The following UGT3A1 variants were observed in gnomAD, a reference collection of about 807,000 sequenced individuals.
UGT3A1 encodes UDP-glycosyltransferase 3A1.
UGT3A1 carries 40 observed loss-of-function variants against 37.6 expected under a neutral mutation model. The observed-to-expected ratio is 1.06, with a 90% CI of 0.83 to 1.38. UGT3A1 has a LOEUF of 1.38. UGT3A1 is among the 40% of genes most tolerant of loss of function. The pLI, the probability that UGT3A1 is intolerant of heterozygous loss-of-function variation, is 0.00. For missense variants in UGT3A1, 642 were observed against 634.2 expected (o/e 1.01, Z -0.13); for synonymous variants, 256 against 232.3 (o/e 1.10, Z -0.93).
chr5:35,973,810 G>A (rs1437331784), intron 2 of UGT3A1, among the ~76,000 whole-genome samples: 1 of 152,110 alleles, frequency 6.6e-6, no homozygotes, highest in African/African-American at 2.4e-5. Context: ...TCAAGTGGTA[G>A]CACTTAAGCA....
chr5:35,965,977 A>G, intron 3 of UGT3A1, 60 bp from the exon 4 acceptor site: 2 of 1,293,398 alleles, frequency 1.5e-6, no homozygotes, highest in South Asian at 3.4e-5. Flanking sequence ...AGTATTTGGG[A>G]GAATGTTAGA....
chr5:35,982,493 G>A (rs1255238512), intron 2 of UGT3A1, among the ~76,000 whole-genome samples: 2 of 152,186 alleles, frequency 1.3e-5, no homozygotes, highest in African/African-American at 2.4e-5. Flanking sequence ...GACTTGCATG[G>A]GGCCTATAGC....
At chr5:35,972,024 AAGT>A (rs1411687620) in intron 2 of UGT3A1, among the ~76,000 whole-genome samples, 4 of 152,040 alleles carry the variant, frequency 2.6e-5, no homozygotes, top group Middle Eastern at 3.2e-3. Flanking sequence ...TCAGATCCCA[AAGT>A]AGTGATGTGA....
intron 2 of UGT3A1, among the ~76,000 whole-genome samples, chr5:35,972,461 A>T (rs535888092): frequency 6.6e-6 from 1 of 151,120 alleles, no homozygotes; most frequent in East Asian, 2.0e-4. Flanking sequence ...ACTTGCTAAC[A>T]TCTCAAATTA....
chr5:35,975,662 A>ATTT (rs35842142), intron 2 of UGT3A1, among the ~76,000 whole-genome samples: 4 of 148,482 alleles, frequency 2.7e-5, no homozygotes, highest in African/African-American at 9.9e-5. Context: ...ACAGTGAAGC[A>ATTT]TTTTTTTTTT....
chr5:35,975,482 C>T (rs1432349621), intron 2 of UGT3A1, among the ~76,000 whole-genome samples: 2 of 152,160 alleles, frequency 1.3e-5, no homozygotes, highest in Non-Finnish European at 2.9e-5. Flanking sequence ...ACCAAAGCTA[C>T]CATCCATGCA....
chr5:35,990,258 G>A (rs1031683042), intron 1 of UGT3A1, among the ~76,000 whole-genome samples: 17 of 151,964 alleles, frequency 1.1e-4, no homozygotes, highest in African/African-American at 4.1e-4. Context: ...TCCCTCAGTT[G>A]CCCTCTCAGA....
intron 2 of UGT3A1, among the ~76,000 whole-genome samples, chr5:35,968,840 A>G (rs906075317): frequency 6.6e-6 from 1 of 152,238 alleles, no homozygotes; most frequent in East Asian, 1.9e-4. Context: ...AAGCCAGGCC[A>G]AAGTGGGAGA....
chr5:35,965,469 C>G lies in UGT3A1; in HGVS notation c.760G>C (p.Ala254Pro). 6.2e-7 allele frequency: 1 copy of G among 1,614,168 alleles called. No individual in the cohort carries two copies. The highest frequency in any genetic ancestry group is 8.5e-7 in the Non-Finnish European group (1 of 1,180,018). Residue 254 changes from alanine (A) to proline (P), a missense_variant, in exon 4 of 7, where the codon GCC becomes CCC. Ala to Pro is a conservative substitution (Grantham distance 27). Coordinates refer to ENST00000274278, the MANE Select transcript of UGT3A1 (RefSeq NM_152404.4). ...AELWFVNSDF[A>P]FDFARPLLPN... ...AGCAGGGGCCGGGCAAAATCAAAGG[C>G]AAAATCAGAGTTAACAAACCACAAC... is the stretch of plus-strand genomic sequence containing the variant.
At position 35,957,402 on chromosome 5, in the gene UGT3A1, A is replaced by C. The variant is rs1267459026; in HGVS notation, c.861T>G (p.Ile287Met). ...CAAACCCTGCATCCCCAAAGTTGGC[A>C]ATGAAGTTGTCCAAGTCCTAGAGAG... Reference protein sequence around the residue: ...KPVPQDLDNFIANFGDAGFVL... With the variant: ...KPVPQDLDNFMANFGDAGFVL... Residue 287 changes from isoleucine to methionine, a missense_variant, in exon 5 of 7, where the codon ATT becomes ATG. Physicochemically the swap from Ile to Met is conservative, Grantham distance 10. Coordinates refer to ENST00000274278, the MANE Select transcript of UGT3A1 (RefSeq NM_152404.4). The C allele has an allele frequency of 6.2e-6, 10 of 1,613,998 alleles. No individual in the cohort carries two copies. Among genetic ancestry groups the C allele is most frequent in the Middle Eastern group, 1.6e-4 (1 of 6,084 alleles).
intron 2 of UGT3A1, among the ~76,000 whole-genome samples, chr5:35,980,038 T>C (rs890974865): frequency 6.6e-6 from 1 of 152,182 alleles, no homozygotes; most frequent in African/African-American, 2.4e-5. Context: ...CCACAACATA[T>C]GGGAATTCAA....
At chr5:35,966,621 C>T (rs1739818070) in intron 3 of UGT3A1, among the ~76,000 whole-genome samples, 1 of 152,192 alleles carries the variant, frequency 6.6e-6, no homozygotes, top group Non-Finnish European at 1.5e-5. Flanking sequence ...AAGCTACTGC[C>T]CTTCAATGTC....
At chr5:35,997,054 G>C (rs558930156) in intron 2 of UGT3A1, among the ~76,000 whole-genome samples, 93 of 152,206 alleles carry the variant, frequency 6.1e-4, no homozygotes, top group South Asian at 1.2e-3. Context: ...TACCACACAA[G>C]ATTATCTGAA....
In UGT3A1 at chr5:35,991,344, C is replaced by T. The variant is rs971244720; in HGVS notation, c.-104G>A. On this transcript the variant is annotated 5_prime_UTR_variant, in exon 1 of 7. Coordinates refer to ENST00000274278, the MANE Select transcript of UGT3A1 (RefSeq NM_152404.4). ...GTACTCCAAAGGCACTGGCTGTGGG[C>T]CTAGGAAGAGGTAGGAGACGGATCC... The T allele has an allele frequency of 4.5e-6, 7 of 1,545,982 alleles. No homozygotes were observed. The African/African-American group carries it at 8.2e-5, about 18-fold the overall frequency.
chr5:35,998,304 T>A (rs1413426703), intron 1 of UGT3A1, among the ~76,000 whole-genome samples: 1 of 152,260 alleles, frequency 6.6e-6, no homozygotes, highest in Non-Finnish European at 1.5e-5. Context: ...AGCCAACAGC[T>A]GGACGCTGTG....
In UGT3A1 at chr5:35,975,215, G is replaced by A. The variant is rs373069044; in HGVS notation, c.197-7082C>T. Among the ~76,000 whole-genome samples, 18 of 152,280 alleles carry A rather than the reference G, an allele frequency of 1.2e-4. No individual in the cohort carries two copies. In the South Asian group the frequency reaches 3.7e-3, roughly 32 times the overall value. On this transcript the variant is annotated intron_variant, in intron 2 of 6. Transcript: ENST00000274278. The stretch of plus-strand genomic sequence containing the variant: ...CCATGGTAGCAGGGATGGAGTTTAT[G>A]TATGGGCATATCAAACTGGACTTCC...
At chr5:35,991,672 C>T, upstream of UGT3A1, 2 of 990,382 alleles carry the variant, frequency 2.0e-6, no homozygotes, top group Non-Finnish European at 2.4e-6. Context: ...GCTTCCCTTC[C>T]AGCTGCCTCT....
intron 2 of UGT3A1, among the ~76,000 whole-genome samples, chr5:35,982,911 A>G (rs1740584906): frequency 2.0e-5 from 3 of 152,288 alleles, no homozygotes; most frequent in Admixed American, 1.3e-4. Context: ...TTGAGTTCTC[A>G]TGAGATCTGG....
intron 2 of UGT3A1, among the ~76,000 whole-genome samples, chr5:35,968,481 G>A (rs1739904998): frequency 6.6e-6 from 1 of 152,104 alleles, no homozygotes; most frequent in Admixed American, 6.6e-5. Flanking sequence ...TGAGCTGTAG[G>A]GCTTGTGTTT....
Sources: allele counts gnomAD v4.1 joint callset (sites outside exome capture counted in the v4.1 genomes callset), GRCh38; gene constraint gnomAD v4.1.1; transcripts MANE v1.5; gene names NCBI Gene and HGNC (gene_info 2026-07-23, HGNC 2026-07-21).